The following PML variants were observed in gnomAD, a reference collection of about 807,000 sequenced individuals.
PML encodes the protein PML nuclear body scaffold, also known as protein PML.
Under a neutral mutation model 65.2 loss-of-function variants are expected in PML, and 28 were observed. The observed-to-expected ratio is 0.43, with a 90% CI of 0.32 to 0.59. The LOEUF is 0.59. Ranked by LOEUF, PML falls within the 20% of genes least tolerant of loss-of-function variation. The probability of loss-of-function intolerance (pLI) is 0.08; values close to 1 mark genes in which losing one functional copy is unlikely to be tolerated. For synonymous variants in PML, 500 were observed against 508.8 expected (o/e 0.98, Z 0.23); for missense variants, 1,021 against 1,203.4 (o/e 0.85, Z 2.24).
intron 4 of PML, among the ~76,000 whole-genome samples, chr15:74,028,700 T>C (rs1477283451): frequency 6.6e-6 from 1 of 152,242 alleles, no homozygotes; most frequent in Non-Finnish European, 1.5e-5. Flanking sequence ...GTCTACTTTC[T>C]GTCTCTATGA....
intron 2 of PML, among the ~76,000 whole-genome samples, chr15:74,009,442 C>T (rs2070219614): frequency 1.3e-5 from 2 of 152,104 alleles, no homozygotes; most frequent in African/African-American, 4.8e-5. Context: ...AGAAAGGCTG[C>T]TGCCAGGAGT....
chr15:74,019,009 TCC>T (rs1471963941), intron 2 of PML, among the ~76,000 whole-genome samples: 2 of 152,302 alleles, frequency 1.3e-5, no homozygotes, highest in East Asian at 3.9e-4. Flanking sequence ...CTAAGGTCAT[TCC>T]TGGCCCTGGG....
At chr15:74,036,409 T>G in intron 7 of PML, 1 of 1,323,540 alleles carries the variant, frequency 7.6e-7, no homozygotes, top group South Asian at 1.6e-5. Context: ...TGCGAACCCT[T>G]ATTCCACGAC....
Position 74,033,339 on chromosome 15 carries a change from C to G in PML, c.1582C>G (p.Pro528Ala). 6.2e-7 allele frequency: 1 copy of G among 1,614,098 alleles called. No homozygotes were observed. Among genetic ancestry groups the G allele is most frequent in the Non-Finnish European group, 8.5e-7 (1 of 1,179,954 alleles). ...SPPHLDGPPSPRSPVIGSEVF... is the reference protein window; with the variant it reads ...SPPHLDGPPSARSPVIGSEVF... ...ACCCCACCTGGATGGACCGCCTAGC[C>G]CCAGGAGCCCCGTCATAGGAAGTGA... is the stretch of plus-strand genomic sequence containing the variant. Residue 528 changes from proline to alanine, a missense_variant, in exon 6 of 9, where the codon CCC (proline) becomes GCC (alanine). Transcript: ENST00000268058.
Position 73,994,747 on chromosome 15 carries a change from C to T in PML, c.-66C>T, listed in dbSNP as rs2069385601. On this transcript the variant is annotated 5_prime_UTR_variant, in exon 1 of 9. Transcript: ENST00000268058. ...AGGGACTCAGCCAACTGGCTCACGCCTCCCCTTCAGCTTCTCTTCACGCAC... is the reference window on the plus strand; with the variant it reads ...AGGGACTCAGCCAACTGGCTCACGCTTCCCCTTCAGCTTCTCTTCACGCAC... 5 of 1,532,622 alleles carry T rather than the reference C, an allele frequency of 3.3e-6. No individual in the cohort carries two copies. Among genetic ancestry groups the T allele is most frequent in the Non-Finnish European group, 2.7e-6 (3 of 1,130,932 alleles). 94.9% of individuals were successfully genotyped at this position (1,532,622 alleles called of 1,614,324 possible). A position where few individuals can be genotyped will look rare whatever the true frequency, so the allele number is the denominator to read the frequency against.
intron 2 of PML, among the ~76,000 whole-genome samples, chr15:74,006,691 A>G (rs2070072494): frequency 6.6e-6 from 1 of 152,198 alleles, no homozygotes; most frequent in Admixed American, 6.5e-5. Context: ...ATTTGTAAAG[A>G]AAAGAGGTTT....
chr15:74,005,960 G>C (rs922456667), intron 2 of PML, among the ~76,000 whole-genome samples: 1 of 152,200 alleles, frequency 6.6e-6, no homozygotes, highest in African/African-American at 2.4e-5. Context: ...GTGTCAGCTT[G>C]TAAGTAGTCC....
chr15:74,037,623 GC>G lies in PML; in HGVS notation c.1710+3095del. The G allele has an allele frequency of 1.0e-6, 1 of 985,346 alleles. No homozygotes were observed. Among genetic ancestry groups the G allele is most frequent in the South Asian group, 4.7e-5 (1 of 21,280 alleles). 61.0% of individuals were successfully genotyped at this position (985,346 alleles called of 1,614,324 possible). On this transcript the variant is annotated intron_variant, in intron 7 of 8. Transcript: ENST00000268058. This position sits in a 1 kb window ranked among gnomAD's most constrained non-coding sequence, Gnocchi z 4.2. ...GCGCTTCCCCGCCAGTACCAGGGTG[GC>G]CTCTGTGCCTCTAGGTGCAGTGTCG...
intron 2 of PML, among the ~76,000 whole-genome samples, chr15:74,005,342 C>T (rs1202984221): frequency 1.3e-5 from 2 of 152,140 alleles, no homozygotes; most frequent in African/African-American, 2.4e-5. Flanking sequence ...TGAGCCACTG[C>T]ACCCGGCCCA....
chr15:74,013,065 T>C (rs1002918446), intron 2 of PML, among the ~76,000 whole-genome samples: 1 of 152,224 alleles, frequency 6.6e-6, no homozygotes, highest in Non-Finnish European at 1.5e-5. Flanking sequence ...CCTAAAGATA[T>C]TTTTTATTCT....
chr15:74,031,048 A>G (rs767389638), intron 4 of PML, among the ~76,000 whole-genome samples: 22 of 151,744 alleles, frequency 1.4e-4, no homozygotes, highest in Non-Finnish European at 2.8e-4. Flanking sequence ...CTGTACTTTC[A>G]TAATCTTGCA....
In PML at chr15:74,042,557, G is replaced by A; in HGVS notation, c.1711-432G>A. On this transcript the variant is annotated intron_variant, in intron 7 of 8. Coordinates refer to ENST00000268058, the MANE Select transcript of PML (RefSeq NM_033238.3). The surrounding 1 kb of genome is among the most constrained non-coding windows in gnomAD (Gnocchi z 5.3). Reference sequence around the variant, plus strand: ...TCAGGTCCTGCCTGCCATAGCAGATGGCTCCTTCCCTGAGCCTCCATAAGC... The same window carrying A: ...TCAGGTCCTGCCTGCCATAGCAGATAGCTCCTTCCCTGAGCCTCCATAAGC... 1.0e-6 allele frequency: 1 copy of A among 985,422 alleles called. No homozygotes were observed. The highest frequency in any genetic ancestry group is 1.2e-6 in the Non-Finnish European group (1 of 829,918). 61.0% of individuals were successfully genotyped at this position (985,422 alleles called of 1,614,324 possible).
At chr15:74,034,433 T>A (rs758314992) in intron 6 of PML, 45 bp from the exon 7 acceptor site, 1 of 1,614,054 alleles carries the variant, frequency 6.2e-7, no homozygotes, top group Non-Finnish European at 8.5e-7. Context: ...CCTCCCAGCA[T>A]GCATCCTAGG....
intron 2 of PML, among the ~76,000 whole-genome samples, chr15:74,019,656 TACAC>T (rs1254813127): frequency 6.6e-6 from 1 of 152,214 alleles, no homozygotes; most frequent in African/African-American, 2.4e-5. Flanking sequence ...TAGCATCTGA[TACAC>T]ACATTTCTGC....
In PML at chr15:74,046,526, C is replaced by T. The variant is rs540941114; in HGVS notation, c.*1518C>T. The T allele has an allele frequency of 1.4e-4, 32 of 232,582 alleles. No homozygotes were observed. Among genetic ancestry groups the T allele is most frequent in the African/African-American group, 4.6e-4 (21 of 45,418 alleles). 14.4% of individuals were successfully genotyped at this position (232,582 alleles called of 1,614,324 possible). On this transcript the variant is annotated 3_prime_UTR_variant, in exon 9 of 9. Transcript: ENST00000268058. ...GGAATTCCGTAGGGTCTTGTTCCCA[C>T]GACCGGAGTGCTGGCTCTCACAGTG...
Position 73,998,000 on chromosome 15 carries a change from C to G in PML, c.130-4C>G. 3 of 1,611,664 alleles carry G rather than the reference C, an allele frequency of 1.9e-6. No homozygotes were observed. Among genetic ancestry groups the G allele is most frequent in the Non-Finnish European group, 2.5e-6 (3 of 1,179,576 alleles). ...AGGCCTCACCTGCCTCTCTGGTCCC[C>G]CAGCGAGCCCCCGCTTCGGAGGAGG... On this transcript the variant is annotated splice_region_variant and splice_polypyrimidine_tract_variant and intron_variant, in intron 1 of 8. Transcript: ENST00000268058.
intron 4 of PML, among the ~76,000 whole-genome samples, chr15:74,030,420 G>A (rs896213663): frequency 4.6e-5 from 7 of 152,134 alleles, no homozygotes; most frequent in African/African-American, 7.2e-5. Flanking sequence ...AGGCCGAGGC[G>A]GGTGGATCAC....
In PML at chr15:73,997,991, T is replaced by A; in HGVS notation, c.130-13T>A. 2 of 1,610,450 alleles carry A rather than the reference T, an allele frequency of 1.2e-6. No homozygotes were observed. The highest frequency in any genetic ancestry group is 1.7e-6 in the Non-Finnish European group (2 of 1,178,498). On this transcript the variant is annotated splice_polypyrimidine_tract_variant and intron_variant, in intron 1 of 8. Transcript: ENST00000268058. The stretch of plus-strand genomic sequence containing the variant: ...GACTTCTCCAGGCCTCACCTGCCTC[T>A]CTGGTCCCCCAGCGAGCCCCCGCTT...
At position 74,017,088 on chromosome 15, in the gene PML, C is replaced by T. The variant is rs974307063; in HGVS notation, c.603-5740C>T. ...CTGGGATTACAGGCATGAGCCGCCGCGCCCGGCCGGGCAGTGGCATCTATT... is the reference window on the plus strand; with the variant it reads ...CTGGGATTACAGGCATGAGCCGCCGTGCCCGGCCGGGCAGTGGCATCTATT... On this transcript the variant is annotated intron_variant, in intron 2 of 8. Coordinates refer to ENST00000268058, the MANE Select transcript of PML (RefSeq NM_033238.3). Among the ~76,000 whole-genome samples the T allele has an allele frequency of 4.0e-5, 6 of 151,784 alleles. 1 individual carries two copies. The highest frequency in any genetic ancestry group is 4.2e-4 in the South Asian group (2 of 4,800).
Sources: gnomAD v4.1 joint callset for allele counts (sites outside exome capture counted in the v4.1 genomes callset) on GRCh38, gnomAD v4.1.1 for gene constraint, Gnocchi (gnomAD v3.1) non-coding constraint, MANE v1.5 for transcripts, NCBI Gene and HGNC (gene_info 2026-07-23, HGNC 2026-07-21) for gene names.